Variants in ABCA4 observed in about 807,000 individuals in gnomAD.
ABCA4 encodes the protein ATP binding cassette subfamily A member 4, also known as retinal-specific phospholipid-transporting ATPase ABCA4.
ABCA4 carries 196 observed loss-of-function variants against 263.7 expected under a neutral mutation model. The ratio of observed to expected loss-of-function variants is 0.74; its 90% CI spans 0.66 to 0.84. The LOEUF (loss-of-function observed/expected upper bound fraction) is 0.84. ABCA4 is among the 40% of genes least tolerant of loss of function. The pLI is 0.00. For missense variants in ABCA4, 2,792 were observed against 2,855.1 expected (o/e 0.98, Z 0.50); for synonymous variants, 1,133 against 1,094.2 (o/e 1.04, Z -0.70).
intron 7 of ABCA4, 66 bp downstream of exon 7, chr1:94,083,286 G>T: frequency 1.6e-6 from 2 of 1,289,922 alleles, no homozygotes; most frequent in South Asian, 2.4e-5. Flanking sequence ...TAAATTATTT[G>T]ACATAAGTGG....
chr1:94,056,724 G>C lies in ABCA4; in HGVS notation c.2259C>G (p.Thr753=), dbSNP rs1231464530. The C allele has an allele frequency of 6.2e-7, 1 of 1,614,056 alleles. No individual in the cohort carries two copies. Among genetic ancestry groups the C allele is most frequent in the Non-Finnish European group, 8.5e-7 (1 of 1,179,962 alleles). Residue 753 remains threonine, a synonymous_variant, in exon 15 of 50, where the codon ACC becomes ACG. Transcript: ENST00000370225. The stretch of plus-strand genomic sequence containing the variant: ...CTGCCAGACTGGCCTTGGAGAAGAA[G>C]GTGCTGAGCAGAAAGCACAGCATGA... ...ATIMLCFLLS[T]FFSKASLAAA...
intron 1 of ABCA4, 80 bp downstream of exon 1, chr1:94,120,900 A>AC: frequency 1.3e-4 from 31 of 247,112 alleles, no homozygotes; most frequent in South Asian, 3.0e-4. Context: ...CCACCACCCT[A>AC]CCCCACCACC....
At chr1:94,014,739 C>T (rs1255921288) in intron 37 of ABCA4, 49 bp from the exon 38 acceptor site, 1 of 1,611,712 alleles carries the variant, frequency 6.2e-7, no homozygotes, top group Non-Finnish European at 8.5e-7. Flanking sequence ...CATTCCATTC[C>T]ACCTACAATA....
Position 94,041,676 on chromosome 1 carries a change from C to T in ABCA4, c.3329-274G>A, listed in dbSNP as rs375946232. The stretch of plus-strand genomic sequence containing the variant: ...TTCAAATAAATCTCTATATTAGGGG[C>T]TCATGTATTATGGTCAGCATCTAGG... On this transcript the variant is annotated intron_variant, in intron 22 of 49. Transcript: ENST00000370225. Among the ~76,000 whole-genome samples, 37 of 152,260 alleles carry T rather than the reference C, an allele frequency of 2.4e-4. No individual in the cohort carries two copies. The South Asian group carries it at 3.9e-3, about 16-fold the overall frequency.
intron 27 of ABCA4, 112 bp downstream of exon 27, chr1:94,031,666 G>A: frequency 2.1e-6 from 3 of 1,396,482 alleles, no homozygotes; most frequent in Non-Finnish European, 3.0e-6. Context: ...AGAATCTAAA[G>A]AGGGTGCTCC....
chr1:94,000,701 A>G lies in ABCA4; in HGVS notation c.6479+135T>C, dbSNP rs890773377. The G allele has an allele frequency of 9.9e-6, 9 of 911,748 alleles. No homozygotes were observed. In the African/African-American group the frequency reaches 1.3e-4, roughly 13 times the overall value. The allele number at this position is 911,748 out of a possible 1,614,324, so 56.5% of individuals were successfully genotyped here. A position where few individuals can be genotyped will look rare whatever the true frequency, so the allele number is the denominator to read the frequency against. ...GGCCTTCTCCATCTGCTGCTGGAGA[A>G]TGAGGCCCAGCCACCACCTGCCTCT... On this transcript the variant is annotated intron_variant, in intron 47 of 49. Coordinates refer to ENST00000370225, the MANE Select transcript of ABCA4 (RefSeq NM_000350.3).
chr1:94,063,383 C>G, intron 11 of ABCA4, 66 bp from the exon 12 acceptor site: 1 of 1,447,780 alleles, frequency 6.9e-7, no homozygotes, highest in Non-Finnish European at 9.7e-7. Flanking sequence ...ACTCTACACA[C>G]AGAAAGTCAC....
At chr1:94,063,820 TAACA>T (rs1380702857) in intron 11 of ABCA4, among the ~76,000 whole-genome samples, 1 of 151,738 alleles carries the variant, frequency 6.6e-6, no homozygotes, top group Non-Finnish European at 1.5e-5. Flanking sequence ...AGAGAGAAAA[TAACA>T]GACAGCCAAA....
chr1:94,114,922 C>T (rs865868645), intron 1 of ABCA4, among the ~76,000 whole-genome samples: 3 of 152,224 alleles, frequency 2.0e-5, no homozygotes, highest in Non-Finnish European at 2.9e-5. Context: ...TCCAGCACCC[C>T]ACATGGGGCA....
chr1:94,060,626 C>T lies in ABCA4; in HGVS notation c.2071G>A (p.Val691Ile). The T allele has an allele frequency of 6.2e-7, 1 of 1,614,158 alleles. No individual in the cohort carries two copies. Among genetic ancestry groups the T allele is most frequent in the East Asian group, 2.2e-5 (1 of 44,882 alleles). The stretch of plus-strand genomic sequence containing the variant: ...GTACACCAAATCACTGCATTGGAGA[C>T]ACCCTGATTTTTCAAGGTCTCCTTC... ...RLKETLKNQG[V>I]SNAVIWCTWF... The change falls in exon 14 of 50, where the codon GTC becomes ATC. Residue 691 changes from valine to isoleucine, a missense_variant. Transcript: ENST00000370225.
intron 1 of ABCA4, among the ~76,000 whole-genome samples, chr1:94,116,973 T>TCTTTCTTC (rs1662789726): frequency 1.3e-5 from 1 of 77,970 alleles, no homozygotes; most frequent in Admixed American, 1.3e-4. Flanking sequence ...TCTTTCTCTT[T>TCTTTCTTC]CTTTCTTTCT....
intron 4 of ABCA4, among the ~76,000 whole-genome samples, chr1:94,104,562 G>A (rs1011363577): frequency 8.5e-5 from 13 of 152,184 alleles, no homozygotes; most frequent in Non-Finnish European, 1.5e-4. Flanking sequence ...CTCTGGAAGG[G>A]TCTTGCGCCA....
chr1:94,011,022 G>A, intron 39 of ABCA4, 93 bp from the exon 40 acceptor site: 1 of 1,606,828 alleles, frequency 6.2e-7, no homozygotes, highest in Non-Finnish European at 8.5e-7. Flanking sequence ...CAGGCCTTAT[G>A]TGGGAACTGA....
In ABCA4 at chr1:94,080,672, G is replaced by A. The variant is rs1661670179; in HGVS notation, c.905C>T (p.Pro302Leu). 2 of 1,614,026 alleles carry A rather than the reference G, an allele frequency of 1.2e-6. No individual in the cohort carries two copies. The highest frequency in any genetic ancestry group is 1.6e-4 in the Middle Eastern group (1 of 6,062). The part of the protein sequence containing the change: ...SMQDLLWVTR[P>L]LMQNGGPETF... ...CTCTGGACCACCATTCTGCATGAGG[G>A]GCCTGGTCACCCACAGCAAGTCCTG... is the stretch of plus-strand genomic sequence containing the variant. Residue 302 changes from proline to leucine, a missense_variant, in exon 8 of 50, where the codon CCC becomes CTC. Pro to Leu is a moderately conservative substitution (Grantham distance 98). Transcript: ENST00000370225.
rs771157086 is a variant in ABCA4 at position 94,051,691 on chromosome 1, A to G, written c.2595T>C (p.Tyr865=). 2 of 1,613,492 alleles carry G rather than the reference A, an allele frequency of 1.2e-6. No individual in the cohort carries two copies. Among genetic ancestry groups the G allele is most frequent in the Non-Finnish European group, 1.7e-6 (2 of 1,179,356 alleles). The change falls in exon 17 of 50, where the codon TAT becomes TAC. Residue 865 remains tyrosine, a synonymous_variant. Transcript: ENST00000370225. ...GAAAGTACCAAGGAAGTGGGGTTCC[A>G]TAGTCTCCTAAAAATAGAGACAAAT... ...WYLDQVFPGD[Y]GTPLPWYFLL...
At chr1:94,094,638 G>A (rs186616316) in intron 6 of ABCA4, among the ~76,000 whole-genome samples, 1 of 152,274 alleles carries the variant, frequency 6.6e-6, no homozygotes, top group African/African-American at 2.4e-5. Flanking sequence ...CACCCGCCTC[G>A]GTTCCCCTGC....
chr1:94,117,908 T>A (rs1398742932), intron 1 of ABCA4, among the ~76,000 whole-genome samples: 1 of 152,218 alleles, frequency 6.6e-6, no homozygotes, highest in Non-Finnish European at 1.5e-5. Flanking sequence ...TTGGTTTACA[T>A]TTATTGTCCC....
In ABCA4 at chr1:94,056,654, T is replaced by G; in HGVS notation, c.2329A>C (p.Ile777Leu). 6.2e-7 allele frequency: 1 copy of G among 1,614,006 alleles called. No homozygotes were observed. The change falls in exon 15 of 50, where the codon ATC becomes CTC. Residue 777 changes from isoleucine (I) to leucine (L), a missense_variant. Coordinates refer to ENST00000370225, the MANE Select transcript of ABCA4 (RefSeq NM_000350.3). The stretch of plus-strand genomic sequence containing the variant: ...CGGTCCTGCCAGGCGAAGCACAGGA[T>G]GTGTGGCAGGTAGAGGGTGAAATAG... ...VIYFTLYLPH[I>L]LCFAWQDRMT... is the part of the protein sequence containing the mutation.
At chr1:94,012,977 G>C (rs1181815209) in intron 38 of ABCA4, among the ~76,000 whole-genome samples, 1 of 152,204 alleles carries the variant, frequency 6.6e-6, no homozygotes, top group African/African-American at 2.4e-5. Context: ...TAGCAGCTGT[G>C]TATCGGATAA....
Sources: allele counts gnomAD v4.1 joint callset (sites outside exome capture counted in the v4.1 genomes callset), GRCh38; gene constraint gnomAD v4.1.1; transcripts MANE v1.5; gene names NCBI Gene and HGNC (gene_info 2026-07-23, HGNC 2026-07-21).